ANO1: variants seen among roughly 807,000 people sequenced by gnomAD.
ANO1 encodes the protein anoctamin 1.
Under a neutral mutation model 124.0 loss-of-function variants are expected in ANO1, and 59 were observed. The observed-to-expected ratio is 0.48, with a 90% CI of 0.39 to 0.59. The LOEUF is 0.59. Among genes scored for constraint, ANO1 ranks in the 20% least tolerant of loss-of-function variants. ANO1 has a pLI of 0.00. For synonymous variants in ANO1, 529 were observed against 532.0 expected, an observed-to-expected ratio of 0.99 and a Z score of 0.08; for missense variants, 1,059 against 1,328.0, an observed-to-expected ratio of 0.80 and a Z score of 3.15.
intron 23 of ANO1, among the ~76,000 whole-genome samples, chr11:70,182,253 C>G (rs1341557566): frequency 6.6e-6 from 1 of 152,268 alleles, no homozygotes; most frequent in Non-Finnish European, 1.5e-5. Context: ...CTGCCTGGTG[C>G]CTTCTCTCCT....
intron 12 of ANO1, among the ~76,000 whole-genome samples, chr11:70,150,440 C>T (rs2047557976): frequency 6.6e-6 from 1 of 152,196 alleles, no homozygotes; most frequent in South Asian, 2.1e-4. Flanking sequence ...AAAGGAGTAA[C>T]AGTCCCCACA....
intron 11 of ANO1, 90 bp from the exon 12 acceptor site, chr11:70,149,620 A>G (rs1229809906): frequency 1.5e-6 from 2 of 1,372,846 alleles, no homozygotes; most frequent in East Asian, 2.5e-5. Context: ...ATTGCACTAC[A>G]GCCTGGGCAA....
chr11:70,177,274 C>T (rs1411604383), intron 22 of ANO1, among the ~76,000 whole-genome samples: 2 of 152,246 alleles, frequency 1.3e-5, no homozygotes, highest in African/African-American at 2.4e-5. Flanking sequence ...TCAAACTCAG[C>T]GCCCCAAGGG....
chr11:70,044,443 G>A (rs983259543), intron 1 of ANO1, among the ~76,000 whole-genome samples: 1 of 152,110 alleles, frequency 6.6e-6, no homozygotes, highest in Non-Finnish European at 1.5e-5. Context: ...CAGCTGGAAG[G>A]TGCTACCATG....
chr11:69,983,355 A>G (rs1349232286), upstream of ANO1, among the ~76,000 whole-genome samples: 7 of 152,120 alleles, frequency 4.6e-5, no homozygotes, highest in Admixed American at 3.3e-4. Flanking sequence ...CCAAAAAGGG[A>G]AACCATTTTT....
chr11:70,001,122 CTGG>C (rs1856375155), intron 1 of ANO1, among the ~76,000 whole-genome samples: 1 of 152,234 alleles, frequency 6.6e-6, no homozygotes, highest in African/African-American at 2.4e-5. Context: ...TTGGACACTT[CTGG>C]AGGCTGCTCC....
At chr11:70,115,777 T>C (rs558975541) in intron 7 of ANO1, among the ~76,000 whole-genome samples, 2 of 152,172 alleles carry the variant, frequency 1.3e-5, no homozygotes, top group Non-Finnish European at 2.9e-5. Flanking sequence ...AAGTATCATT[T>C]TGAGTGTTTG....
intron 1 of ANO1, among the ~76,000 whole-genome samples, chr11:70,058,373 A>G (rs920096911): frequency 2.0e-5 from 3 of 152,238 alleles, no homozygotes; most frequent in Non-Finnish European, 4.4e-5. Context: ...AAAAATATAC[A>G]GAGTCCTCCT....
At chr11:70,163,217 G>A (rs2048123632) in intron 18 of ANO1, 66 bp from the exon 19 acceptor site, 1 of 1,549,416 alleles carries the variant, frequency 6.5e-7, no homozygotes. Flanking sequence ...GTCCCCACTT[G>A]GGGGTCTCTC....
At chr11:70,030,941 C>T (rs80074047) in intron 1 of ANO1, among the ~76,000 whole-genome samples, 9 of 152,060 alleles carry the variant, frequency 5.9e-5, no homozygotes, top group African/African-American at 1.4e-4. Context: ...GTGGTGGTTT[C>T]GTTTTGTTTT....
chr11:70,081,452 C>T (rs1370146616), intron 1 of ANO1, among the ~76,000 whole-genome samples: 1 of 152,106 alleles, frequency 6.6e-6, no homozygotes, highest in Non-Finnish European at 1.5e-5. Flanking sequence ...TATGTAGTGA[C>T]CTGGTTTTAA....
chr11:69,990,522 C>A (rs1451349161), intron 1 of ANO1, among the ~76,000 whole-genome samples: 2 of 152,178 alleles, frequency 1.3e-5, no homozygotes, highest in African/African-American at 4.8e-5. Context: ...AGTAAAATTG[C>A]TGGATCACAT....
At chr11:70,173,524 G>A (rs116318802) in intron 22 of ANO1, among the ~76,000 whole-genome samples, 1,717 of 152,296 alleles carry the variant, frequency 0.011, 34 homozygotes, top group African/African-American at 0.039. Flanking sequence ...CTGAGGCCAC[G>A]GGTGAGCCCC....
intron 1 of ANO1, among the ~76,000 whole-genome samples, chr11:70,070,980 C>T (rs1215673651): frequency 6.6e-6 from 1 of 152,208 alleles, no homozygotes; most frequent in Non-Finnish European, 1.5e-5. Flanking sequence ...AACCGCATCG[C>T]TTCCACTTGG....
chr11:70,046,443 G>A (rs1857261156), intron 1 of ANO1, among the ~76,000 whole-genome samples: 1 of 152,118 alleles, frequency 6.6e-6, no homozygotes, highest in African/African-American at 2.4e-5. Context: ...ACCTACCAGG[G>A]CAAAAGAAGA....
chr11:70,132,621 C>T (rs535571241), intron 11 of ANO1, among the ~76,000 whole-genome samples: 3 of 152,360 alleles, frequency 2.0e-5, no homozygotes, highest in South Asian at 4.1e-4. Flanking sequence ...GCCATGCAAA[C>T]CTAAGGCACT....
At chr11:70,061,047 G>T (rs144863315) in intron 1 of ANO1, among the ~76,000 whole-genome samples, 1 of 152,178 alleles carries the variant, frequency 6.6e-6, no homozygotes, top group African/African-American at 2.4e-5. Context: ...CAACGCCTAA[G>T]AACTAAAGAA....
At chr11:70,174,059 C>T (rs1385100223) in intron 22 of ANO1, among the ~76,000 whole-genome samples, 1 of 151,198 alleles carries the variant, frequency 6.6e-6, no homozygotes, top group East Asian at 2.0e-4. Flanking sequence ...CCTCAGCCTC[C>T]TGAGTAGCTG....
At chr11:70,128,648 T>C (rs1216096085) in intron 10 of ANO1, among the ~76,000 whole-genome samples, 2 of 152,214 alleles carry the variant, frequency 1.3e-5, no homozygotes, top group African/African-American at 4.8e-5. Context: ...GCGTGCTCCC[T>C]GCAGCTTCCG....
Sources: gnomAD v4.1 joint callset for allele counts (sites outside exome capture counted in the v4.1 genomes callset) on GRCh38, gnomAD v4.1.1 for gene constraint, MANE v1.5 for transcripts, NCBI Gene and HGNC (gene_info 2026-07-23, HGNC 2026-07-21) for gene names.